Variants in SUPT3H observed in about 807,000 individuals in gnomAD.
SUPT3H encodes the protein SPT3 homolog, SAGA and STAGA complex component.
In SUPT3H, 44 loss-of-function variants were observed where a neutral mutation model predicts 44.3. That is an observed-to-expected ratio of 0.99 (90% CI 0.78 to 1.28). SUPT3H has a LOEUF of 1.28. Among genes scored for constraint, SUPT3H ranks in the 50% most tolerant of loss-of-function variants. The pLI is 0.00. For synonymous variants in SUPT3H, 124 were observed against 125.6 expected (o/e 0.99, Z 0.09); for missense variants, 380 against 387.1 (o/e 0.98, Z 0.15).
chr6:45,329,697 T>C (rs1265327508), intron 2 of SUPT3H, among the ~76,000 whole-genome samples: 1 of 151,924 alleles, frequency 6.6e-6, no homozygotes, highest in Non-Finnish European at 1.5e-5. Flanking sequence ...TATTAAACCA[T>C]GCTGGACTTT....
intron 2 of SUPT3H, among the ~76,000 whole-genome samples, chr6:45,108,367 T>G (rs1799563619): frequency 6.6e-6 from 1 of 152,166 alleles, no homozygotes; most frequent in African/African-American, 2.4e-5. Context: ...AGTCAAGGAC[T>G]ATAATTGTCA....
intron 2 of SUPT3H, among the ~76,000 whole-genome samples, chr6:45,258,114 A>C (rs951309280): frequency 1.3e-5 from 2 of 152,208 alleles, no homozygotes; most frequent in African/African-American, 4.8e-5. Flanking sequence ...AATTTTTCTG[A>C]AATAGATGAT....
intron 1 of SUPT3H, among the ~76,000 whole-genome samples, chr6:45,372,738 A>C (rs1210520758): frequency 6.6e-6 from 1 of 152,054 alleles, no homozygotes; most frequent in Non-Finnish European, 1.5e-5. Flanking sequence ...AGCTCAGTGC[A>C]ATCTCCACCT....
At chr6:44,862,537 C>T (rs561263495) in intron 10 of SUPT3H, among the ~76,000 whole-genome samples, 89 of 151,800 alleles carry the variant, frequency 5.9e-4, no homozygotes, top group Non-Finnish European at 9.1e-4. Context: ...ATTAGCCGGG[C>T]GTGGTGGCAG....
intron 2 of SUPT3H, among the ~76,000 whole-genome samples, chr6:45,252,426 A>G (rs1772533524): frequency 6.6e-6 from 1 of 152,210 alleles, no homozygotes; most frequent in Middle Eastern, 3.2e-3. Flanking sequence ...AACAACACAG[A>G]TTCAGGGAAA....
At chr6:44,883,170 T>C (rs1427478796) in intron 10 of SUPT3H, among the ~76,000 whole-genome samples, 1 of 152,224 alleles carries the variant, frequency 6.6e-6, no homozygotes, top group Non-Finnish European at 1.5e-5. Flanking sequence ...CTTAAGCTGA[T>C]AAGCAACTTC....
At chr6:45,288,827 AAAAG>A (rs1419351304) in intron 2 of SUPT3H, among the ~76,000 whole-genome samples, 19 of 151,958 alleles carry the variant, frequency 1.3e-4, no homozygotes, top group African/African-American at 4.6e-4. Flanking sequence ...AAAAGAAAGA[AAAAG>A]AGAGAACTTT....
chr6:45,047,434 T>A (rs190156310), intron 3 of SUPT3H, among the ~76,000 whole-genome samples: 1 of 152,242 alleles, frequency 6.6e-6, no homozygotes, highest in South Asian at 2.1e-4. Flanking sequence ...GTTCTTAGTA[T>A]GCAAGAAAGG....
At chr6:45,137,799 A>G (rs1708549849) in intron 2 of SUPT3H, among the ~76,000 whole-genome samples, 1 of 152,008 alleles carries the variant, frequency 6.6e-6, no homozygotes, top group Admixed American at 6.6e-5. Flanking sequence ...CAATAATCAT[A>G]TTACATGCAA....
intron 2 of SUPT3H, among the ~76,000 whole-genome samples, chr6:45,294,839 C>A (rs1249160836): frequency 1.3e-5 from 2 of 148,892 alleles, no homozygotes; most frequent in African/African-American, 4.9e-5. Flanking sequence ...TGAAAGAAAT[C>A]CCAGACAACA....
At chr6:44,988,775 C>T (rs368895096) in intron 6 of SUPT3H, among the ~76,000 whole-genome samples, 1 of 151,982 alleles carries the variant, frequency 6.6e-6, no homozygotes, top group African/African-American at 2.4e-5. Context: ...TTCCAGAAAG[C>T]TGTATCAATA....
intron 2 of SUPT3H, among the ~76,000 whole-genome samples, chr6:45,271,604 G>A (rs555341444): frequency 7.2e-5 from 11 of 152,292 alleles, no homozygotes; most frequent in Middle Eastern, 3.4e-3. Flanking sequence ...TGCAGTAGGG[G>A]CAGGGCCCTC....
At chr6:44,914,345 C>T (rs1767495165) in intron 10 of SUPT3H, among the ~76,000 whole-genome samples, 1 of 152,158 alleles carries the variant, frequency 6.6e-6, no homozygotes, top group African/African-American at 2.4e-5. Flanking sequence ...GTGCAAAGGT[C>T]AATTAAACAG....
chr6:45,226,906 G>T (rs12209175), intron 2 of SUPT3H, among the ~76,000 whole-genome samples: 3 of 151,858 alleles, frequency 2.0e-5, no homozygotes, highest in Non-Finnish European at 4.4e-5. Flanking sequence ...AGGCTGAGGT[G>T]GGGGAATGGC....
chr6:45,284,164 T>TAATTAA (rs1318811532), intron 2 of SUPT3H, among the ~76,000 whole-genome samples: 5 of 152,072 alleles, frequency 3.3e-5, no homozygotes, highest in African/African-American at 1.2e-4. Flanking sequence ...ATTGACACCC[T>TAATTAA]AACATCATAA....
intron 10 of SUPT3H, among the ~76,000 whole-genome samples, chr6:44,853,254 T>G (rs1773187595): frequency 6.6e-6 from 1 of 152,230 alleles, no homozygotes; most frequent in Non-Finnish European, 1.5e-5. Flanking sequence ...AGTCATGATG[T>G]GAACCTAGGC....
At chr6:45,102,563 G>A (rs1431903556) in intron 3 of SUPT3H, among the ~76,000 whole-genome samples, 1 of 152,080 alleles carries the variant, frequency 6.6e-6, no homozygotes, top group Non-Finnish European at 1.5e-5. Context: ...ATGACACCTA[G>A]TAAGTAAAAA....
chr6:45,271,921 G>A (rs4352679), intron 2 of SUPT3H, among the ~76,000 whole-genome samples: 57,409 of 152,026 alleles, frequency 0.38, 11,539 homozygotes, highest in Non-Finnish European at 0.45. Context: ...GGGGTCAAAG[G>A]AAATCATTTT....
intron 3 of SUPT3H, among the ~76,000 whole-genome samples, chr6:45,082,450 C>T (rs1199109741): frequency 1.3e-5 from 2 of 151,914 alleles, no homozygotes; most frequent in African/African-American, 2.4e-5. Context: ...TAACTGACCA[C>T]GATCAATTAG....
Sources: allele counts gnomAD v4.1 joint callset (sites outside exome capture counted in the v4.1 genomes callset), GRCh38; gene constraint gnomAD v4.1.1; transcripts MANE v1.5; gene names NCBI Gene and HGNC (gene_info 2026-07-23, HGNC 2026-07-21).